GRB10: variants seen among roughly 807,000 people sequenced by gnomAD.
The protein encoded by GRB10 is growth factor receptor bound protein 10.
In GRB10, 20 loss-of-function variants were observed where a neutral mutation model predicts 80.9. The observed-to-expected ratio is 0.25, with a 90% CI of 0.17 to 0.36. The LOEUF is 0.36. GRB10 is among the 10% of genes least tolerant of loss of function. GRB10 has a pLI of 1.00. For missense variants in GRB10, 548 were observed against 747.7 expected (o/e 0.73, Z 3.12); for synonymous variants, 291 against 291.5 (o/e 1.00, Z 0.02).
At chr7:50,729,118 T>G (rs2069184636) in intron 4 of GRB10, among the ~76,000 whole-genome samples, 1 of 152,236 alleles carries the variant, frequency 6.6e-6, no homozygotes, top group African/African-American at 2.4e-5. Context: ...GGACAGCGTG[T>G]ATGTGCACTA....
intron 7 of GRB10, among the ~76,000 whole-genome samples, chr7:50,627,805 T>C (rs867226977): frequency 2.0e-5 from 3 of 152,212 alleles, no homozygotes; most frequent in African/African-American, 7.2e-5. Flanking sequence ...AGATGGCATT[T>C]TAAATTGCGA....
At chr7:50,753,159 T>A (rs2074438175) in intron 3 of GRB10, among the ~76,000 whole-genome samples, 1 of 152,052 alleles carries the variant, frequency 6.6e-6, no homozygotes, top group Non-Finnish European at 1.5e-5. Flanking sequence ...CCCCACCACA[T>A]CCAGGCCTGG....
chr7:50,682,264 C>T (rs1274629114), intron 5 of GRB10, among the ~76,000 whole-genome samples: 1 of 152,198 alleles, frequency 6.6e-6, no homozygotes, highest in South Asian at 2.1e-4. Context: ...TGAGTCACTC[C>T]AGTGAGGAAG....
At chr7:50,751,400 C>T (rs2074083878) in intron 3 of GRB10, among the ~76,000 whole-genome samples, 2 of 152,204 alleles carry the variant, frequency 1.3e-5, no homozygotes, top group South Asian at 2.1e-4. Flanking sequence ...AACTGTGATG[C>T]ATCTATACAA....
chr7:50,593,256 G>A (rs944204586), intron 18 of GRB10, among the ~76,000 whole-genome samples, 158 bp from the exon 19 acceptor site: 1 of 152,154 alleles, frequency 6.6e-6, no homozygotes, highest in Non-Finnish European at 1.5e-5. Context: ...GGAAAGACGG[G>A]AGCAGAGGAT....
exon 1 of GRB10, chr7:50,793,340 C>T (rs2079015689): frequency 6.8e-6 from 1 of 146,710 alleles, no homozygotes; most frequent in South Asian, 2.0e-4. Flanking sequence ...CCCGGGCGCC[C>T]CGCGCCGCCG....
chr7:50,743,838 G>A (rs2072343878), intron 3 of GRB10, among the ~76,000 whole-genome samples: 1 of 152,186 alleles, frequency 6.6e-6, no homozygotes, highest in African/African-American at 2.4e-5. Context: ...CCCAGGGCAG[G>A]ACTGTTAATG....
chr7:50,664,078 T>C (rs1342795382), intron 7 of GRB10, among the ~76,000 whole-genome samples: 2 of 152,210 alleles, frequency 1.3e-5, no homozygotes, highest in Non-Finnish European at 2.9e-5. Flanking sequence ...GCGGTGGCTG[T>C]GGACACAGGG....
At chr7:50,682,406 C>A (rs1414646879) in intron 5 of GRB10, among the ~76,000 whole-genome samples, 1 of 152,176 alleles carries the variant, frequency 6.6e-6, no homozygotes, top group Non-Finnish European at 1.5e-5. Context: ...CATTAACGTG[C>A]CCTCAGGCAG....
intron 2 of GRB10, among the ~76,000 whole-genome samples, chr7:50,761,201 C>G (rs1168511233): frequency 6.6e-6 from 1 of 152,204 alleles, no homozygotes; most frequent in East Asian, 1.9e-4. Context: ...CAACAGATAC[C>G]TGGATGTATG....
chr7:50,608,433 C>T (rs1230148614), intron 13 of GRB10, among the ~76,000 whole-genome samples: 7 of 152,114 alleles, frequency 4.6e-5, no homozygotes, highest in Non-Finnish European at 8.8e-5. Context: ...TGAAAAGAAC[C>T]GCTAAGCTGA....
chr7:50,612,793 G>A lies in GRB10; in HGVS notation c.1142C>T (p.Ala381Val). ...GCACGTCCTGGTTTGCTCGTCCTCT[G>A]CACAGAGCAACCTCAGCTCTTTAGT... ...NETKELRLLCAEDEQTRTCWM... is the reference protein window; with the variant it reads ...NETKELRLLCVEDEQTRTCWM... Residue 381 changes from alanine to valine, a missense_variant, in exon 13 of 19, where the codon GCA (alanine) becomes GTA (valine). Transcript: ENST00000401949. 1 of 1,613,986 alleles carries A rather than the reference G, an allele frequency of 6.2e-7. No individual in the cohort carries two copies. The highest frequency in any genetic ancestry group is 8.5e-7 in the Non-Finnish European group (1 of 1,179,898).
intron 4 of GRB10, among the ~76,000 whole-genome samples, chr7:50,721,473 C>T (rs559309557): frequency 5.9e-5 from 9 of 152,314 alleles, no homozygotes; most frequent in Admixed American, 5.2e-4. Context: ...TGAATAACAG[C>T]GCCAAAGTGA....
intron 4 of GRB10, among the ~76,000 whole-genome samples, chr7:50,710,264 G>A (rs367913619): frequency 6.6e-6 from 1 of 152,100 alleles, no homozygotes; most frequent in East Asian, 1.9e-4. Context: ...CTCACCCCAA[G>A]ATCTTGGGGA....
At chr7:50,601,808 A>G (rs2047661136) in intron 17 of GRB10, among the ~76,000 whole-genome samples, 1 of 152,196 alleles carries the variant, frequency 6.6e-6, no homozygotes, top group Admixed American at 6.5e-5. Context: ...AAAAAGATCT[A>G]AAGATTGTAG....
chr7:50,772,616 A>T (rs758228217), intron 2 of GRB10, among the ~76,000 whole-genome samples: 1 of 152,260 alleles, frequency 6.6e-6, no homozygotes, highest in Non-Finnish European at 1.5e-5. Flanking sequence ...AGCCATCCAA[A>T]TTGGAAAGGA....
At chr7:50,749,103 G>T (rs2073609015) in intron 3 of GRB10, among the ~76,000 whole-genome samples, 2 of 143,232 alleles carry the variant, frequency 1.4e-5, no homozygotes. Context: ...TAAAATGTTG[G>T]GTTTTTTTGT....
At chr7:50,712,096 GAAAA>G (rs34421102) in intron 4 of GRB10, among the ~76,000 whole-genome samples, 55 of 149,406 alleles carry the variant, frequency 3.7e-4, no homozygotes, top group Middle Eastern at 3.2e-3. Flanking sequence ...GAAAAAGGCT[GAAAA>G]AAAAAATCCT....
intron 3 of GRB10, among the ~76,000 whole-genome samples, chr7:50,751,450 T>C (rs2074092643): frequency 1.3e-5 from 2 of 152,176 alleles, no homozygotes; most frequent in African/African-American, 2.4e-5. Context: ...GAAATATTGA[T>C]AGACGAATCT....
Sources: gnomAD v4.1 joint callset for allele counts (sites outside exome capture counted in the v4.1 genomes callset) on GRCh38, gnomAD v4.1.1 for gene constraint, MANE v1.5 for transcripts, NCBI Gene and HGNC (gene_info 2026-07-23, HGNC 2026-07-21) for gene names.